The following FILIP1 variants were observed in gnomAD, a reference collection of about 807,000 sequenced individuals.
FILIP1 encodes the protein filamin-A-interacting protein 1.
A neutral mutation model predicts 102.1 loss-of-function variants in FILIP1; 61 were observed. The observed-to-expected ratio is 0.60, with a 90% CI of 0.49 to 0.74. The LOEUF (loss-of-function observed/expected upper bound fraction) is 0.74. Among genes scored for constraint, FILIP1 ranks in the 30% least tolerant of loss-of-function variants. The pLI is 0.00. For synonymous variants in FILIP1, 491 were observed against 526.9 expected (o/e 0.93, Z 0.93); for missense variants, 1,314 against 1,441.2 (o/e 0.91, Z 1.43).
chr6:75,443,889 C>T (rs1181770652), intron 1 of FILIP1, among the ~76,000 whole-genome samples: 1 of 152,112 alleles, frequency 6.6e-6, no homozygotes, highest in African/African-American at 2.4e-5. Flanking sequence ...AGCAAAAGGG[C>T]CATTTAACCT....
At chr6:75,312,350 G>T in intron 5 of FILIP1, 47 bp downstream of exon 5, 2 of 1,562,594 alleles carry the variant, frequency 1.3e-6, no homozygotes, top group Non-Finnish European at 1.7e-6. Context: ...CACTACTCAC[G>T]TCTCCCTCCC....
intron 2 of FILIP1, among the ~76,000 whole-genome samples, chr6:75,404,035 C>T (rs1776749075): frequency 6.6e-6 from 1 of 152,086 alleles, no homozygotes; most frequent in African/African-American, 2.4e-5. Flanking sequence ...CTCATTAATT[C>T]CAATTGCTTT....
chr6:75,467,728 T>C (rs906191887), intron 1 of FILIP1, among the ~76,000 whole-genome samples: 1 of 152,166 alleles, frequency 6.6e-6, no homozygotes, highest in African/African-American at 2.4e-5. Context: ...TGGAGGACCA[T>C]ATAAACTTTG....
chr6:75,319,052 C>G, intron 4 of FILIP1: 1 of 722,172 alleles, frequency 1.4e-6, no homozygotes, highest in Non-Finnish European at 2.5e-6. Context: ...TCATCTTCTT[C>G]ATCTTCATCT....
chr6:75,473,700 A>G (rs1447798297), intron 1 of FILIP1: 1 of 152,214 alleles, frequency 6.6e-6, no homozygotes. Context: ...GGGACAACGT[A>G]TAACAATCTC....
Position 75,313,546 on chromosome 6 carries a change from G to C in FILIP1, c.2286C>G (p.Asn762Lys), listed in dbSNP as rs1430843167. 1.9e-6 allele frequency: 3 copies of C among 1,614,108 alleles called. No individual in the cohort carries two copies. The highest frequency in any genetic ancestry group is 2.5e-6 in the Non-Finnish European group (3 of 1,180,004). ...TGAGAACCTCCTGCCCCATGTTTTT[G>C]TTCTTATTTTCTTCTTCCATAAATC... ...QQRFMEEENK[N>K]KNMGQEVLNL... The change falls in exon 5 of 6, where the codon AAC becomes AAG. Residue 762 changes from asparagine (N) to lysine (K), a missense_variant. Coordinates refer to ENST00000237172, the MANE Select transcript of FILIP1 (RefSeq NM_015687.5). The surrounding 1 kb of genome is among the most constrained non-coding windows in gnomAD (Gnocchi z 4.2).
At chr6:75,479,629 G>A (rs1779592471) in intron 1 of FILIP1, among the ~76,000 whole-genome samples, 3 of 151,958 alleles carry the variant, frequency 2.0e-5, no homozygotes, top group Admixed American at 1.3e-4. Context: ...AGCACTTTGG[G>A]AGGCCATAGC....
At chr6:75,350,659 T>C (rs1774765857) in intron 4 of FILIP1, among the ~76,000 whole-genome samples, 1 of 152,050 alleles carries the variant, frequency 6.6e-6, no homozygotes, top group Non-Finnish European at 1.5e-5. Context: ...ACACAAAAAT[T>C]AGGAAAACAA....
chr6:75,421,744 C>T (rs1025231112), intron 1 of FILIP1, among the ~76,000 whole-genome samples: 3 of 152,152 alleles, frequency 2.0e-5, no homozygotes, highest in African/African-American at 7.2e-5. Context: ...CTTGTTGACT[C>T]ATCTAGAGTG....
exon 7 of FILIP1, chr6:75,295,753 T>G (rs1235574799): frequency 9.2e-6 from 4 of 433,048 alleles, no homozygotes; most frequent in Non-Finnish European, 1.6e-5. Context: ...CATTTTCAGC[T>G]TTTTACATTA....
intron 1 of FILIP1, among the ~76,000 whole-genome samples, chr6:75,469,249 A>G (rs1247267119): frequency 1.3e-5 from 2 of 152,058 alleles, no homozygotes; most frequent in Non-Finnish European, 2.9e-5. Flanking sequence ...GCATACAAAA[A>G]TTTTTGGTTT....
At chr6:75,456,547 A>G (rs1778831896) in intron 1 of FILIP1, among the ~76,000 whole-genome samples, 1 of 151,556 alleles carries the variant, frequency 6.6e-6, no homozygotes, top group Admixed American at 6.6e-5. Flanking sequence ...CATACAAAAG[A>G]GTATTCTTTT....
rs1420670715 is a variant in FILIP1, at chr6:75,313,337, T to G, written c.2495A>C (p.Asn832Thr). 1.2e-6 allele frequency: 2 copies of G among 1,614,090 alleles called. No homozygotes were observed. Among genetic ancestry groups the G allele is most frequent in the Non-Finnish European group, 1.7e-6 (2 of 1,180,040 alleles). Residue 832 changes from asparagine (N) to threonine (T), a missense_variant, in exon 5 of 6, where the codon AAT becomes ACT. This residue lies in a region of FILIP1 where 816 missense variants were observed against 913.1 expected (regional missense o/e 0.89). Transcript: ENST00000237172. This position sits in a 1 kb window ranked among gnomAD's most constrained non-coding sequence, Gnocchi z 4.2. ...VFIRKSFQEE[N>T]HIMSNLRQVG... is the part of the protein sequence containing the mutation. ...CTGCCGAAGATTACTCATAATATGATTTTCTTCCTGGAAGGATTTCCGTAT... is the reference window on the plus strand; with the variant it reads ...CTGCCGAAGATTACTCATAATATGAGTTTCTTCCTGGAAGGATTTCCGTAT...
At chr6:75,379,709 C>T (rs1052149582) in intron 2 of FILIP1, among the ~76,000 whole-genome samples, 1 of 152,202 alleles carries the variant, frequency 6.6e-6, no homozygotes, top group Non-Finnish European at 1.5e-5. Flanking sequence ...TCCAGGCACG[C>T]TTTCCCCTAA....
intron 2 of FILIP1, among the ~76,000 whole-genome samples, chr6:75,411,419 T>C (rs1777064462): frequency 6.6e-6 from 1 of 152,240 alleles, no homozygotes; most frequent in South Asian, 2.1e-4. Context: ...CTCTTCAGTT[T>C]AATTAGATCC....
intron 4 of FILIP1, among the ~76,000 whole-genome samples, chr6:75,336,937 A>AC (rs2149585070): frequency 6.6e-6 from 1 of 152,286 alleles, no homozygotes; most frequent in Non-Finnish European, 1.5e-5. Context: ...TCTTAGAGTC[A>AC]CAGTAACAAG....
Position 75,308,134 on chromosome 6 carries a change from T to C in FILIP1, c.*557A>G, listed in dbSNP as rs780260300. The C allele has an allele frequency of 4.1e-6, 4 of 986,128 alleles. No homozygotes were observed. Among genetic ancestry groups the C allele is most frequent in the Non-Finnish European group, 4.8e-6 (4 of 830,116 alleles). 61.1% of individuals were successfully genotyped at this position (986,128 alleles called of 1,614,324 possible). The stretch of plus-strand genomic sequence containing the variant: ...TTTATTACATGTTCACATTATTTCC[T>C]GAAATCATCTTAGAACCTTTTGTTT... On this transcript the variant is annotated 3_prime_UTR_variant, in exon 6 of 6. Coordinates refer to ENST00000237172, the MANE Select transcript of FILIP1 (RefSeq NM_015687.5).
At chr6:75,344,622 G>C (rs1473269818) in intron 4 of FILIP1, among the ~76,000 whole-genome samples, 1 of 152,170 alleles carries the variant, frequency 6.6e-6, no homozygotes, top group Non-Finnish European at 1.5e-5. Flanking sequence ...TGGCTCTGGA[G>C]GCACTTGCAC....
At chr6:75,387,657 T>C (rs920143679) in intron 2 of FILIP1, among the ~76,000 whole-genome samples, 4 of 152,252 alleles carry the variant, frequency 2.6e-5, no homozygotes, top group Admixed American at 2.0e-4. Flanking sequence ...ATGAGCTTTT[T>C]TCATGTGTTT....
Sources: allele counts gnomAD v4.1 joint callset (sites outside exome capture counted in the v4.1 genomes callset), GRCh38; gene constraint gnomAD v4.1.1; regional missense constraint gnomAD v4.1.1; non-coding constraint Gnocchi (gnomAD v3.1); transcripts MANE v1.5; gene names NCBI Gene and HGNC (gene_info 2026-07-23, HGNC 2026-07-21).